The following NEB variants were observed in gnomAD, a reference collection of about 807,000 sequenced individuals.
NEB encodes nebulin.
A neutral mutation model predicts 952.2 loss-of-function variants in NEB; 512 were observed. The observed-to-expected ratio is 0.54, with a 90% CI of 0.50 to 0.58. The LOEUF (loss-of-function observed/expected upper bound fraction) is 0.58. NEB is among the 20% of genes least tolerant of loss of function. NEB has a pLI of 0.00. For synonymous variants in NEB, 2,900 were observed against 3,149.8 expected (o/e 0.92, Z 2.66); for missense variants, 8,428 against 9,231.1 (o/e 0.91, Z 3.56).
chr2:151,503,133 T>C (rs946899040), intron 166 of NEB: 25 of 593,396 alleles, frequency 4.2e-5, no homozygotes, highest in East Asian at 8.4e-5. Flanking sequence ...ATTCTACTTA[T>C]AGTATTTCAA....
chr2:151,565,362 A>G (rs1465834742), intron 116 of NEB, 139 bp downstream of exon 116: 1 of 716,092 alleles, frequency 1.4e-6, no homozygotes, highest in Non-Finnish European at 2.5e-6. Context: ...CTTTTAAGAC[A>G]TACCCCCCAA....
In NEB at chr2:151,640,531, C is replaced by T. The variant is rs1160847143; in HGVS notation, c.8509G>A (p.Glu2837Lys). The T allele has an allele frequency of 6.2e-7, 1 of 1,613,830 alleles. No homozygotes were observed. The highest frequency in any genetic ancestry group is 1.3e-5 in the African/African-American group (1 of 74,916). ...QSDREYKKDFEKWKTKFSSPV... is the reference protein window; with the variant it reads ...QSDREYKKDFKKWKTKFSSPV... Reference sequence around the variant, plus strand: ...CTGCTGAACTTGGTCTTCCACTTCTCAAAGTCCTTCTTGTACTCCCTGTCA... The same window carrying T: ...CTGCTGAACTTGGTCTTCCACTTCTTAAAGTCCTTCTTGTACTCCCTGTCA... Residue 2837 changes from glutamate (E) to lysine (K), a missense_variant, in exon 61 of 182, where the codon GAG (glutamate) becomes AAG (lysine). By Grantham distance (56) the Glu-to-Lys change is moderately conservative. Around this residue, in one of 11 missense-constraint regions of NEB, gnomAD observed 1,772 missense variants for 1,960.3 expected, o/e 0.90. Transcript: ENST00000397345.
At chr2:151,576,651 C>T (rs2096874858) in intron 105 of NEB, among the ~76,000 whole-genome samples, 1 of 149,340 alleles carries the variant, frequency 6.7e-6, no homozygotes, top group South Asian at 2.1e-4. Context: ...CCTGCCTCAG[C>T]CTCCCGAGTA....
intron 162 of NEB, 100 bp downstream of exon 162, chr2:151,507,905 C>T: frequency 1.3e-6 from 1 of 796,034 alleles, no homozygotes; most frequent in Non-Finnish European, 2.1e-6. Context: ...TTGTGGAGGG[C>T]TGCACAACAG....
chr2:151,730,953 C>T (rs2099806424), intron 3 of NEB, among the ~76,000 whole-genome samples: 1 of 152,148 alleles, frequency 6.6e-6, no homozygotes, highest in African/African-American at 2.4e-5. Flanking sequence ...ACTGACAGGA[C>T]AGAGATTTGC....
chr2:151,632,868 C>CCTTTTAACTAT (rs888037306), intron 65 of NEB, among the ~76,000 whole-genome samples: 1 of 151,944 alleles, frequency 6.6e-6, no homozygotes, highest in Non-Finnish European at 1.5e-5. Context: ...TGACATCAAC[C>CCTTTTAACTAT]CTTTTAAACT....
intron 74 of NEB, 37 bp from the exon 75 acceptor site, chr2:151,617,505 A>C (rs757918484): frequency 1.6e-6 from 2 of 1,229,456 alleles, no homozygotes; most frequent in Non-Finnish European, 2.3e-6. Context: ...GAGAGAGAGA[A>C]AAATTATTTT....
intron 181 of NEB, 109 bp downstream of exon 181, chr2:151,489,862 A>G: frequency 1.4e-6 from 1 of 722,886 alleles, no homozygotes; most frequent in Non-Finnish European, 2.3e-6. Flanking sequence ...AGCATTATAT[A>G]AAATAGAAGG....
At chr2:151,591,809 G>A (rs1171662713) in intron 95 of NEB, among the ~76,000 whole-genome samples, 3 of 152,310 alleles carry the variant, frequency 2.0e-5, no homozygotes, top group Non-Finnish European at 2.9e-5. Flanking sequence ...TAAGTTTTAT[G>A]TTGTGTTTTT....
intron 135 of NEB, 55 bp from the exon 136 acceptor site, chr2:151,541,606 C>T: frequency 7.4e-7 from 1 of 1,356,418 alleles, no homozygotes; most frequent in Non-Finnish European, 1.1e-6. Context: ...ATGTTATGTT[C>T]TCTGCAGATG....
At position 151,650,615 on chromosome 2, in the gene NEB, C is replaced by T. The variant is rs867897450; in HGVS notation, c.7186G>A (p.Asp2396Asn). The T allele has an allele frequency of 3.7e-6, 6 of 1,603,870 alleles. No individual in the cohort carries two copies. The highest frequency in any genetic ancestry group is 1.3e-5 in the African/African-American group (1 of 74,652). The change falls in exon 53 of 182, where the codon GAT becomes AAT. Residue 2396 changes from aspartate to asparagine, a missense_variant. This residue lies in a region of NEB where 1,772 missense variants were observed against 1,960.3 expected (regional missense o/e 0.90). Transcript: ENST00000397345. ...HQWTCLPDQN[D>N]VVQAKKVYEL... ...TAAACTTTCTTAGCTTGCACAACAT[C>T]GTTCTGATCAGGCAGACATGTCCAC...
At chr2:151,664,898 C>A (rs754500916) in intron 42 of NEB, 35 bp from the exon 43 acceptor site, 1 of 1,499,978 alleles carries the variant, frequency 6.7e-7, no homozygotes, top group South Asian at 1.2e-5. Flanking sequence ...GATTTTACAG[C>A]AGGACAAGTT....
chr2:151,492,613 C>T (rs2057469269), intron 176 of NEB, 119 bp from the exon 177 acceptor site: 1 of 617,928 alleles, frequency 1.6e-6, no homozygotes, highest in Non-Finnish European at 2.6e-6. Flanking sequence ...CTGAAGGGGC[C>T]CAGTGAGACA....
In NEB at chr2:151,627,759, T is replaced by C; in HGVS notation, c.9907A>G (p.Met3303Val). The C allele has an allele frequency of 6.2e-7, 1 of 1,613,960 alleles. No homozygotes were observed. The highest frequency in any genetic ancestry group is 8.5e-7 in the Non-Finnish European group (1 of 1,179,874). ...TTGGCCACATGCATGGACCACATCA[T>C]CTTGGGGTCATCTTCAATGTTCCGG... Reference protein sequence around the residue: ...GARNIEDDPKMMWSMHVAKIQ... With the variant: ...GARNIEDDPKVMWSMHVAKIQ... Residue 3303 changes from methionine to valine, a missense_variant, in exon 69 of 182, where the codon ATG becomes GTG. Met to Val is a conservative substitution (Grantham distance 21, BLOSUM62 1). Transcript: ENST00000397345.
At chr2:151,541,581 T>C in intron 135 of NEB, 30 bp from the exon 136 acceptor site, 2 of 1,553,644 alleles carry the variant, frequency 1.3e-6, no homozygotes, top group Non-Finnish European at 1.8e-6. Context: ...TCACCATCAT[T>C]TCTGTTTCAT....
Position 151,688,211 on chromosome 2 carries a change from C to T in NEB, c.2415+81G>A, listed in dbSNP as rs2099517861. The T allele has an allele frequency of 2.5e-6, 3 of 1,182,042 alleles. No individual in the cohort carries two copies. In the South Asian group the frequency reaches 4.4e-5, roughly 17 times the overall value. The allele number at this position is 1,182,042 out of a possible 1,614,324, so 73.2% of individuals were successfully genotyped here. ...CTTAAAGTTGTTTATTTGCACAATT[C>T]CTTGTCTTGTCTTTTAAAATTTAAA... On this transcript the variant is annotated intron_variant, in intron 25 of 181. Coordinates refer to ENST00000397345, the MANE Select transcript of NEB (RefSeq NM_001164508.2).
chr2:151,688,789 G>A (rs2099522869), intron 24 of NEB, among the ~76,000 whole-genome samples: 1 of 152,108 alleles, frequency 6.6e-6, no homozygotes, highest in Non-Finnish European at 1.5e-5. Flanking sequence ...ATGTGGATGT[G>A]GTTTCTGTCT....
chr2:151,668,767 A>AT (rs547049780), intron 39 of NEB, among the ~76,000 whole-genome samples: 16 of 149,508 alleles, frequency 1.1e-4, no homozygotes, highest in Non-Finnish European at 1.8e-4. Context: ...CTCATGTTCC[A>AT]TTTTTTTTTT....
At position 151,554,931 on chromosome 2, in the gene NEB, A is replaced by G. The variant is rs1390912272; in HGVS notation, c.19428T>C (p.Asp6476=). 1.9e-6 allele frequency: 3 copies of G among 1,606,242 alleles called. No individual in the cohort carries two copies. Among genetic ancestry groups the G allele is most frequent in the East Asian group, 2.2e-5 (1 of 44,824 alleles). The part of the protein sequence containing the change: ...RCLRVGKLNI[D]RLYRSVYEKN... ...TTAAGGGGCGCATGACCGTACTTAC[A>G]TCGATGTTAAGCTTGCCAACTCGGA... is the stretch of plus-strand genomic sequence containing the variant. The change falls in exon 125 of 182, where the codon GAT becomes GAC. Residue 6476 remains aspartate, a splice_region_variant and synonymous_variant. Coordinates refer to ENST00000397345, the MANE Select transcript of NEB (RefSeq NM_001164508.2).
Sources: allele counts gnomAD v4.1 joint callset (sites outside exome capture counted in the v4.1 genomes callset), GRCh38; gene constraint gnomAD v4.1.1; regional missense constraint gnomAD v4.1.1; transcripts MANE v1.5; gene names NCBI Gene and HGNC (gene_info 2026-07-23, HGNC 2026-07-21).